The following ARL17B variants were observed in gnomAD, a reference collection of about 807,000 sequenced individuals.
The protein encoded by ARL17B is ARF like GTPase 17B.
intron 4 of ARL17B, among the ~76,000 whole-genome samples, chr17:46,280,430 C>T (rs76409130): frequency 0.11 from 16,701 of 148,970 alleles, no homozygotes; most frequent in Non-Finnish European, 0.17. Flanking sequence ...TCCCAGCACT[C>T]TGGGAGGCCA....
At chr17:46,277,069 T>G (rs1301445860) in intron 4 of ARL17B, among the ~76,000 whole-genome samples, 1 of 152,240 alleles carries the variant, frequency 6.6e-6, no homozygotes, top group Non-Finnish European at 1.5e-5. Context: ...CTTCTCAAAG[T>G]GTTGAGATCA....
At chr17:46,277,078 C>T (rs2049610449) in intron 4 of ARL17B, among the ~76,000 whole-genome samples, 1 of 152,204 alleles carries the variant, frequency 6.6e-6, no homozygotes, top group Admixed American at 6.5e-5. Flanking sequence ...GTGTTGAGAT[C>T]ACAGGTGTGA....
chr17:46,292,702 T>C lies in ARL17B; in HGVS notation c.*21+6824A>G, dbSNP rs1363878452. The C allele has an allele frequency of 3.8e-5, 3 of 79,248 alleles. 1 individual carries two copies. The Admixed American group carries it at 3.8e-4, about 10-fold the overall frequency. The allele number at this position is 79,248 out of a possible 1,614,324, so 4.9% of individuals were successfully genotyped here. A position where few individuals can be genotyped will look rare whatever the true frequency, so the allele number is the denominator to read the frequency against. ...CCCAGAGATGTGGGGAGAAGGTAAC[T>C]GGCCTTAAGAATGATTGCGCTACAG... On this transcript the variant is annotated intron_variant, in intron 4 of 4. Transcript: ENST00000570618.
At chr17:46,275,647 G>A (rs1238124711) in intron 4 of ARL17B, among the ~76,000 whole-genome samples, 4 of 152,182 alleles carry the variant, frequency 2.6e-5, no homozygotes, top group African/African-American at 7.2e-5. Flanking sequence ...TTTAAAATAT[G>A]TATGTATATA....
intron 3 of ARL17B, among the ~76,000 whole-genome samples, chr17:46,317,141 G>A (rs1390738559): frequency 1.5e-3 from 129 of 87,006 alleles, no homozygotes; most frequent in Non-Finnish European, 2.9e-3. Context: ...CCTCCCAGAT[G>A]GGGTGGCGGC....
At chr17:46,331,901 G>A, downstream of ARL17B, 2 of 453,688 alleles carry the variant, frequency 4.4e-6, no homozygotes, top group East Asian at 6.3e-5. Context: ...GATAGAATGG[G>A]ATACGGACCA....
chr17:46,282,251 T>C (rs1388993198), intron 4 of ARL17B, among the ~76,000 whole-genome samples: 1 of 150,582 alleles, frequency 6.6e-6, no homozygotes, highest in East Asian at 2.0e-4. Flanking sequence ...TACAGGCGTC[T>C]GCCACCACGC....
intron 4 of ARL17B, among the ~76,000 whole-genome samples, chr17:46,288,092 T>C (rs2049966227): frequency 1.3e-5 from 2 of 152,144 alleles, no homozygotes; most frequent in African/African-American, 2.4e-5. Flanking sequence ...AAGCTTCAAA[T>C]TGACCTGCTT....
chr17:46,279,625 G>A (rs1197982302), intron 4 of ARL17B, among the ~76,000 whole-genome samples: 1 of 151,536 alleles, frequency 6.6e-6, no homozygotes, highest in Non-Finnish European at 1.5e-5. Flanking sequence ...AGCCTCTGGA[G>A]TAGCTGGGAT....
At chr17:46,334,596 T>C (rs1407587841), downstream of ARL17B, 3 of 40,970 alleles carry the variant, frequency 7.3e-5, no homozygotes, top group Admixed American at 8.0e-4. Context: ...ATTTAAAAAA[T>C]GTGTTCGTAG....
Position 46,339,021 on chromosome 17 carries a change from AAAC to A in ARL17B, c.*476_*478del, listed in dbSNP as rs536474328. On this transcript the variant is annotated 3_prime_UTR_variant, in exon 4 of 4. Coordinates refer to ENST00000450673, the MANE Select transcript of ARL17B (RefSeq NM_001039083.5). The stretch of plus-strand genomic sequence containing the variant: ...TGGGAGCAAAATGATGAGAACTCAT[AAAC>A]AACAGACACTGGGCCCTACCTGAGG... Among the ~76,000 whole-genome samples the A allele has an allele frequency of 4.6e-3, 297 of 64,980 alleles. 36 individuals carry two copies. The highest frequency in any genetic ancestry group is 0.028 in the Middle Eastern group (2 of 72). 42.6% of individuals were successfully genotyped at this position (64,980 alleles called of 152,430 possible). A position where few individuals can be genotyped will look rare whatever the true frequency, so the allele number is the denominator to read the frequency against.
chr17:46,302,496 A>G, intron 3 of ARL17B: 1 of 176,702 alleles, frequency 5.7e-6, no homozygotes, highest in East Asian at 5.1e-5. Context: ...AAATATAAGA[A>G]AAGGTTTGAA....
At chr17:46,274,338 T>C (rs968885358), downstream of ARL17B, among the ~76,000 whole-genome samples, 4 of 152,250 alleles carry the variant, frequency 2.6e-5, no homozygotes, top group African/African-American at 7.2e-5. Context: ...TGTGGAGTAA[T>C]TGACAAATTG....
intron 3 of ARL17B, among the ~76,000 whole-genome samples, chr17:46,317,146 G>A (rs1466346210): frequency 3.6e-5 from 3 of 82,568 alleles, no homozygotes; most frequent in Admixed American, 1.3e-4. Context: ...CAGATGGGGT[G>A]GCGGCCGGGC....
At chr17:46,274,492 T>G (rs2668621), downstream of ARL17B, among the ~76,000 whole-genome samples, 18,476 of 152,268 alleles carry the variant, frequency 0.12, no homozygotes, top group Non-Finnish European at 0.18. Context: ...ACATAGCAGC[T>G]CCTTTCATAG....
intron 3 of ARL17B, among the ~76,000 whole-genome samples, chr17:46,340,178 T>C (rs1334655146): frequency 9.7e-6 from 1 of 102,590 alleles, no homozygotes; most frequent in African/African-American, 3.0e-5. Context: ...AGAAAAGGTA[T>C]CCACAGGGAA....
intron 4 of ARL17B, among the ~76,000 whole-genome samples, chr17:46,290,530 T>C (rs1445252555): frequency 2.6e-5 from 4 of 152,248 alleles, no homozygotes; most frequent in African/African-American, 9.6e-5. Context: ...CACTGCAACC[T>C]CCGCCTTCTG....
intron 3 of ARL17B, chr17:46,311,105 C>A: frequency 3.8e-6 from 1 of 263,150 alleles, no homozygotes; most frequent in Admixed American, 5.9e-5. Flanking sequence ...GCACTGCACT[C>A]CAGCCTGGGC....
At chr17:46,280,327 G>A (rs2049727196) in intron 4 of ARL17B, among the ~76,000 whole-genome samples, 1 of 152,090 alleles carries the variant, frequency 6.6e-6, no homozygotes, top group Non-Finnish European at 1.5e-5. Flanking sequence ...TTGCACCACT[G>A]CACTCCAGCC....
Sources: gnomAD v4.1 joint callset for allele counts (sites outside exome capture counted in the v4.1 genomes callset) on GRCh38, gnomAD v4.1.1 for gene constraint, MANE v1.5 for transcripts, NCBI Gene and HGNC (gene_info 2026-07-23, HGNC 2026-07-21) for gene names.